CTSS: variants seen among roughly 807,000 people sequenced by gnomAD.
CTSS encodes the protein cathepsin S.
CTSS carries 15 observed loss-of-function variants against 39.9 expected under a neutral mutation model. That is an observed-to-expected ratio of 0.38 (90% CI 0.25 to 0.58). CTSS has a LOEUF of 0.58. Among genes scored for constraint, CTSS ranks in the 20% least tolerant of loss-of-function variants. CTSS has a pLI of 0.70. For synonymous variants in CTSS, 126 were observed against 138.2 expected (o/e 0.91, Z 0.62); for missense variants, 250 against 398.2 (o/e 0.63, Z 3.17).
chr1:150,755,986 T>A (rs894030036), intron 3 of CTSS, among the ~76,000 whole-genome samples: 3 of 152,218 alleles, frequency 2.0e-5, no homozygotes, highest in Non-Finnish European at 4.4e-5. Context: ...TTTAATTTTT[T>A]AAATGTTTTG....
intron 7 of CTSS, among the ~76,000 whole-genome samples, chr1:150,733,872 G>T (rs1652576494): frequency 6.6e-6 from 1 of 152,088 alleles, no homozygotes; most frequent in South Asian, 2.1e-4. Context: ...TGCAGCAGAG[G>T]CTACTTGTTA....
chr1:150,733,937 T>G (rs587721397), intron 7 of CTSS, among the ~76,000 whole-genome samples: 78 of 152,332 alleles, frequency 5.1e-4, no homozygotes, highest in Non-Finnish European at 9.6e-4. Flanking sequence ...AGATCAGTGT[T>G]TCACTTTTTG....
At position 150,732,884 on chromosome 1, in the gene CTSS, C is replaced by T. The variant is rs1652553698; in HGVS notation, c.*162G>A. 2.0e-6 allele frequency: 1 copy of T among 509,128 alleles called. No individual in the cohort carries two copies. Among genetic ancestry groups the T allele is most frequent in the Non-Finnish European group, 3.4e-6 (1 of 291,994 alleles). 31.5% of individuals were successfully genotyped at this position (509,128 alleles called of 1,614,324 possible). ...CTTGGCCTCCCAAGTACTGGGATTA[C>T]AGGCGTGAGCCACCGTGCCCGGCCT... On this transcript the variant is annotated 3_prime_UTR_variant, in exon 8 of 8. Transcript: ENST00000368985.
In CTSS at chr1:150,730,370, CTG is replaced by C. The variant is rs1652493220; in HGVS notation, c.*2674_*2675del. The C allele has an allele frequency of 6.6e-6, 1 of 152,146 alleles. No homozygotes were observed. The highest frequency in any genetic ancestry group is 1.5e-5 in the Non-Finnish European group (1 of 68,022). The allele number at this position is 152,146 out of a possible 1,614,324, so 9.4% of individuals were successfully genotyped here. A position where few individuals can be genotyped will look rare whatever the true frequency, so the allele number is the denominator to read the frequency against. On this transcript the variant is annotated 3_prime_UTR_variant, in exon 8 of 8. Coordinates refer to ENST00000368985, the MANE Select transcript of CTSS (RefSeq NM_004079.5). Reference sequence around the variant, plus strand: ...GTGTGAACAAGCTAAATGTAATAAACTGGGGGAAACTGAGAGGCCTGTTTGTT... The same window carrying C: ...GTGTGAACAAGCTAAATGTAATAAACGGGGAAACTGAGAGGCCTGTTTGTT...
At chr1:150,733,363 C>G (rs1007493611) in intron 7 of CTSS, among the ~76,000 whole-genome samples, 1 of 152,106 alleles carries the variant, frequency 6.6e-6, no homozygotes, top group Non-Finnish European at 1.5e-5. Context: ...GACTTAATAC[C>G]TAAGGAAAAC....
intron 7 of CTSS, among the ~76,000 whole-genome samples, chr1:150,737,842 G>A (rs915774069): frequency 6.6e-5 from 10 of 152,168 alleles, no homozygotes; most frequent in African/African-American, 1.9e-4. Flanking sequence ...TGGAATGGTC[G>A]GGAAAAGCTT....
intron 7 of CTSS, among the ~76,000 whole-genome samples, chr1:150,745,687 G>T (rs1477714130): frequency 1.3e-5 from 2 of 151,960 alleles, no homozygotes; most frequent in African/African-American, 4.8e-5. Flanking sequence ...GTAAAATTAT[G>T]AATAGAGACA....
rs1427519292 is a variant in CTSS, at chr1:150,755,100, C to T, written c.300G>A (p.Gln100=). Residue 100 remains glutamine, a synonymous_variant, in exon 4 of 8, where the codon CAG becomes CAA. Transcript: ENST00000368985. ...ACTTATATGTGATATTTCTCTGCCA[C>T]TGGCTGGGAACTCTCAGGGAACTCA... ...SLMSSLRVPS[Q]WQRNITYKSN... 1.2e-6 allele frequency: 2 copies of T among 1,614,062 alleles called. No homozygotes were observed. Among genetic ancestry groups the T allele is most frequent in the East Asian group, 4.5e-5 (2 of 44,896 alleles).
intron 6 of CTSS, 68 bp from the exon 7 acceptor site, chr1:150,747,947 G>T (rs1411744934): frequency 1.9e-6 from 2 of 1,068,960 alleles, no homozygotes; most frequent in African/African-American, 1.6e-5. Flanking sequence ...TTTTAAAACG[G>T]TATTACTTTT....
chr1:150,755,543 C>T (rs902807436), intron 3 of CTSS, among the ~76,000 whole-genome samples: 4 of 152,046 alleles, frequency 2.6e-5, no homozygotes, highest in Non-Finnish European at 5.9e-5. Context: ...AGTTCAAGAC[C>T]AGCCTGGCCA....
chr1:150,755,028 T>C lies in CTSS; in HGVS notation c.372A>G (p.Lys124=), dbSNP rs76683110. The change falls in exon 4 of 8, where the codon AAA becomes AAG. Residue 124 remains lysine, a synonymous_variant. Coordinates refer to ENST00000368985, the MANE Select transcript of CTSS (RefSeq NM_004079.5). ...ILPDSVDWRE[K]GCVTEVKYQG... Reference sequence around the variant, plus strand: ...GATATTTCACTTCAGTAACACACCCTTTCTCTCTCCAGTCCACAGAATCAG... The same window carrying C: ...GATATTTCACTTCAGTAACACACCCCTTCTCTCTCCAGTCCACAGAATCAG... 6.2e-7 allele frequency: 1 copy of C among 1,614,128 alleles called. No homozygotes were observed. The highest frequency in any genetic ancestry group is 1.3e-5 in the African/African-American group (1 of 75,048).
At chr1:150,763,059 G>A (rs1429136061) in intron 2 of CTSS, among the ~76,000 whole-genome samples, 1 of 151,376 alleles carries the variant, frequency 6.6e-6, no homozygotes, top group African/African-American at 2.4e-5. Flanking sequence ...ATAAAAAAGT[G>A]TGGTACATAT....
chr1:150,733,762 A>T (rs1652574310), intron 7 of CTSS, among the ~76,000 whole-genome samples: 1 of 152,128 alleles, frequency 6.6e-6, no homozygotes, highest in Non-Finnish European at 1.5e-5. Context: ...CCAGAGTTTG[A>T]GAGCAGCCTG....
intron 5 of CTSS, among the ~76,000 whole-genome samples, 158 bp from the exon 6 acceptor site, chr1:150,750,329 C>T (rs1652983503): frequency 2.6e-5 from 4 of 152,136 alleles, no homozygotes; most frequent in Non-Finnish European, 5.9e-5. Context: ...CTAACAGTCC[C>T]GGGTTTCAGC....
In CTSS at chr1:150,739,013, G is replaced by C. The variant is rs587711629; in HGVS notation, c.897-5868C>G. Among the ~76,000 whole-genome samples the C allele has an allele frequency of 3.3e-5, 5 of 152,198 alleles. No individual in the cohort carries two copies. In the East Asian group the frequency reaches 9.7e-4, roughly 29 times the overall value. ...AGTTCGAGACCAGCCTGGCCAACAT[G>C]GCGAAACCCCGTCTGTACTAAAAAT... is the stretch of plus-strand genomic sequence containing the variant. On this transcript the variant is annotated intron_variant, in intron 7 of 7. Coordinates refer to ENST00000368985, the MANE Select transcript of CTSS (RefSeq NM_004079.5).
At chr1:150,764,842 TAAC>T (rs1464114759) in intron 1 of CTSS, 78 bp from the exon 2 acceptor site, 2 of 1,531,934 alleles carry the variant, frequency 1.3e-6, no homozygotes, top group Non-Finnish European at 1.8e-6. Context: ...TAAGAGAAAA[TAAC>T]AATGCAAAGT....
At chr1:150,759,592 T>C (rs1653208747) in intron 2 of CTSS, among the ~76,000 whole-genome samples, 1 of 152,220 alleles carries the variant, frequency 6.6e-6, no homozygotes, top group African/African-American at 2.4e-5. Flanking sequence ...TGTCCATTAG[T>C]GTGCATATTA....
intron 7 of CTSS, among the ~76,000 whole-genome samples, chr1:150,745,060 C>T (rs1652867300): frequency 6.6e-6 from 1 of 152,022 alleles, no homozygotes; most frequent in African/African-American, 2.4e-5. Context: ...ATCAGTGAAC[C>T]AAGATATTGA....
Position 150,746,477 on chromosome 1 carries a change from C to T in CTSS, c.896+1300G>A, listed in dbSNP as rs117411562. Among the ~76,000 whole-genome samples the T allele has an allele frequency of 1.8e-4, 28 of 152,250 alleles. No homozygotes were observed. In the East Asian group the frequency reaches 5.4e-3, roughly 29 times the overall value. ...TATGAAGACCAGACATAATCTCTCC[C>T]CAAAGGCACGTACAGAACACTGGAG... On this transcript the variant is annotated intron_variant, in intron 7 of 7. Transcript: ENST00000368985.
Sources: gnomAD v4.1 joint callset for allele counts (sites outside exome capture counted in the v4.1 genomes callset) on GRCh38, gnomAD v4.1.1 for gene constraint, MANE v1.5 for transcripts, NCBI Gene and HGNC (gene_info 2026-07-23, HGNC 2026-07-21) for gene names.